Variants in SOX5 observed in about 807,000 individuals in gnomAD.
SOX5 encodes transcription factor SOX-5.
A neutral mutation model predicts 92.0 loss-of-function variants in SOX5; 9 were observed. That is an observed-to-expected ratio of 0.10 (90% CI 0.06 to 0.17). SOX5 has a LOEUF of 0.17. Among genes scored for constraint, SOX5 ranks in the 10% least tolerant of loss-of-function variants. The pLI is 1.00. For synonymous variants in SOX5, 344 were observed against 336.3 expected, an observed-to-expected ratio of 1.02 and a Z score of -0.25; for missense variants, 642 against 944.5, an observed-to-expected ratio of 0.68 and a Z score of 4.20.
rs533731297 is a variant in SOX5, at chr12:24,173,495, T to C, written c.-2+39848A>G. ...TATAAATGAGGGGCAGCTGATACGC[T>C]GGCCTTTTCTGCTCATATTAGTTAT... On this transcript the variant is annotated intron_variant, in intron 4 of 4. Transcript: ENST00000446891. Among the ~76,000 whole-genome samples, 7 of 152,398 alleles carry C rather than the reference T, an allele frequency of 4.6e-5. No homozygotes were observed. The South Asian group carries it at 1.4e-3, about 32-fold the overall frequency.
At position 24,266,042 on chromosome 12, in the gene SOX5, G is replaced by A. The variant is rs1186443737; in HGVS notation, c.-77+11174C>T. Among the ~76,000 whole-genome samples the A allele has an allele frequency of 1.3e-3, 66 of 49,228 alleles. No homozygotes were observed. In the Middle Eastern group the frequency reaches 0.037, roughly 27 times the overall value. 32.3% of individuals were successfully genotyped at this position (49,228 alleles called of 152,430 possible). ...TGCCATCATGCCAGCTAATGTGTGT[G>A]TGTGTGTGTGTGTGTGTGTGTGTGT... On this transcript the variant is annotated intron_variant, in intron 3 of 4. Coordinates refer to the SOX5 transcript ENST00000446891.
At chr12:23,908,273 G>A (rs748836520) in intron 1 of SOX5, among the ~76,000 whole-genome samples, 9 of 152,076 alleles carry the variant, frequency 5.9e-5, no homozygotes, top group Non-Finnish European at 1.3e-4. Flanking sequence ...CCCCCCAGCA[G>A]AAATGAGAAA....
chr12:23,579,094 G>T (rs781547200), intron 9 of SOX5, among the ~76,000 whole-genome samples: 3 of 152,134 alleles, frequency 2.0e-5, no homozygotes, highest in Non-Finnish European at 4.4e-5. Flanking sequence ...AGATGATGTG[G>T]ATGTGGGTGC....
intron 1 of SOX5, among the ~76,000 whole-genome samples, chr12:24,379,873 A>ATTTTT (rs762985814): frequency 2.2e-5 from 1 of 46,424 alleles, no homozygotes; most frequent in Non-Finnish European, 5.1e-5. Context: ...CTTCCAGAAG[A>ATTTTT]TTCTTTTTTT....
intron 1 of SOX5, among the ~76,000 whole-genome samples, chr12:24,478,464 G>T (rs1002224054): frequency 9.2e-5 from 14 of 152,132 alleles, no homozygotes; most frequent in Non-Finnish European, 1.9e-4. Context: ...TTTATAAAAA[G>T]AATTGTATTC....
At chr12:23,589,237 G>T (rs1347285232) in intron 9 of SOX5, among the ~76,000 whole-genome samples, 1 of 151,698 alleles carries the variant, frequency 6.6e-6, no homozygotes, top group African/African-American at 2.4e-5. Flanking sequence ...CTTACAAAAT[G>T]AAATACAATT....
intron 1 of SOX5, among the ~76,000 whole-genome samples, chr12:24,410,253 C>T (rs1352017533): frequency 6.6e-6 from 1 of 152,170 alleles, no homozygotes; most frequent in African/African-American, 2.4e-5. Flanking sequence ...TTGCCTCGGC[C>T]TCCCAAAGTT....
upstream of SOX5, chr12:23,950,977 GCACACA>G (rs35800209): frequency 4.6e-3 from 2,842 of 613,682 alleles, 2 homozygotes; most frequent in Middle Eastern, 6.2e-3. Context: ...ACACACGCAT[GCACACA>G]CACACACACA....
At chr12:23,773,278 G>A (rs2094992428) in intron 3 of SOX5, among the ~76,000 whole-genome samples, 1 of 152,106 alleles carries the variant, frequency 6.6e-6, no homozygotes, top group Admixed American at 6.6e-5. Flanking sequence ...ATCCAGTGGT[G>A]GTAGAGTTGG....
rs371288972 is a variant in SOX5, at chr12:24,273,025, G to C, written c.-77+4191C>G. 8.3e-4 allele frequency among the ~76,000 whole-genome samples: 126 copies of C among 152,284 alleles called. 3 individuals carry two copies. The South Asian group carries it at 0.025, about 30-fold the overall frequency. On this transcript the variant is annotated intron_variant, in intron 3 of 4. Transcript: ENST00000446891. ...AGGCGGGTGGATCACTTGAGGTCAG[G>C]AGTTTGAGACCAGCCTGGCCAACAT...
At chr12:23,833,136 A>G (rs1212996774) in intron 3 of SOX5, among the ~76,000 whole-genome samples, 5 of 151,996 alleles carry the variant, frequency 3.3e-5, no homozygotes, top group Non-Finnish European at 7.4e-5. Context: ...AGGATCTATA[A>G]AGCCTCTGAA....
chr12:23,955,216 G>A (rs1285524096), upstream of SOX5, among the ~76,000 whole-genome samples: 2 of 152,090 alleles, frequency 1.3e-5, no homozygotes, highest in Non-Finnish European at 2.9e-5. Flanking sequence ...TGCTTCATAA[G>A]TATGTTTCTA....
intron 1 of SOX5, among the ~76,000 whole-genome samples, chr12:24,553,038 T>C (rs1953364488): frequency 6.6e-6 from 1 of 151,988 alleles, no homozygotes; most frequent in Non-Finnish European, 1.5e-5. Flanking sequence ...TCTCAAAAAA[T>C]AAGAAAAAGT....
chr12:24,372,316 T>G (rs1431898097), intron 1 of SOX5, among the ~76,000 whole-genome samples: 1 of 152,106 alleles, frequency 6.6e-6, no homozygotes, highest in Non-Finnish European at 1.5e-5. Context: ...CAGTGTGTGA[T>G]GCCGCCTACT....
chr12:23,572,689 A>G (rs951576984), intron 10 of SOX5, among the ~76,000 whole-genome samples: 2 of 152,194 alleles, frequency 1.3e-5, no homozygotes, highest in South Asian at 4.1e-4. Flanking sequence ...TTATAAGCCT[A>G]CATGTATATT....
chr12:24,529,115 G>A (rs549104136), intron 1 of SOX5, among the ~76,000 whole-genome samples: 3 of 152,288 alleles, frequency 2.0e-5, no homozygotes, highest in East Asian at 1.9e-4. Flanking sequence ...TGCCATAACT[G>A]TCACCCAAGA....
intron 3 of SOX5, among the ~76,000 whole-genome samples, chr12:23,802,489 T>A (rs913756170): frequency 6.6e-6 from 1 of 151,620 alleles, no homozygotes; most frequent in African/African-American, 2.4e-5. Flanking sequence ...ATCCCATTCG[T>A]TGTAATTTTT....
At chr12:23,630,396 C>T (rs1419065784) in intron 8 of SOX5, among the ~76,000 whole-genome samples, 1 of 151,840 alleles carries the variant, frequency 6.6e-6, no homozygotes, top group Non-Finnish European at 1.5e-5. Context: ...TGCGATGGGC[C>T]TTTATTTTAT....
intron 1 of SOX5, among the ~76,000 whole-genome samples, chr12:23,933,599 A>C (rs1389621686): frequency 6.6e-6 from 1 of 151,684 alleles, no homozygotes; most frequent in Non-Finnish European, 1.5e-5. Context: ...AGTGAGATGC[A>C]GTATTGCTCA....
Sources: allele counts gnomAD v4.1 joint callset (sites outside exome capture counted in the v4.1 genomes callset), GRCh38; gene constraint gnomAD v4.1.1; transcripts MANE v1.5; gene names NCBI Gene and HGNC (gene_info 2026-07-23, HGNC 2026-07-21).